Variants in MAN2A1 observed in about 807,000 individuals in gnomAD.
MAN2A1 encodes mannosidase alpha class 2A member 1.
MAN2A1 carries 76 observed loss-of-function variants against 142.6 expected under a neutral mutation model. The observed-to-expected ratio is 0.53, with a 90% CI of 0.44 to 0.65. The LOEUF (loss-of-function observed/expected upper bound fraction) is 0.65, where lower values mean the gene tolerates loss of function less well. Among genes scored for constraint, MAN2A1 ranks in the 30% least tolerant of loss-of-function variants. The pLI is 0.00. For synonymous variants in MAN2A1, 559 were observed against 473.2 expected, an observed-to-expected ratio of 1.18 and a Z score of -2.35; for missense variants, 1,311 against 1,365.1, an observed-to-expected ratio of 0.96 and a Z score of 0.62.
rs1414165653 is a variant in MAN2A1 at position 109,713,716 on chromosome 5, T to A, written c.332T>A (p.Val111Asp). ...HLLPSQLSLSVDTADCLFASQ... is the reference protein window; with the variant it reads ...HLLPSQLSLSDDTADCLFASQ... ...CTGCCCTCACAATTATCCCTCTCAG[T>A]TGACACTGCAGACTGTCTGTTTGCT... Residue 111 changes from valine (V) to aspartate (D), a missense_variant, in exon 2 of 22, where the codon GTT (valine) becomes GAT (aspartate). Physicochemically the swap from Val to Asp is radical, Grantham distance 152. This residue lies in a region of MAN2A1 where 409 missense variants were observed against 412.7 expected (regional missense o/e 0.99). Transcript: ENST00000261483. 6.2e-7 allele frequency: 1 copy of A among 1,614,194 alleles called. No homozygotes were observed. The highest frequency in any genetic ancestry group is 8.5e-7 in the Non-Finnish European group (1 of 1,180,016).
intron 18 of MAN2A1, 129 bp downstream of exon 18, chr5:109,846,135 A>T (rs1241824680): frequency 4.1e-5 from 32 of 771,840 alleles, no homozygotes; most frequent in Non-Finnish European, 3.8e-6. Context: ...TTTTTCTTTC[A>T]ACAACCAGAC....
intron 8 of MAN2A1, among the ~76,000 whole-genome samples, chr5:109,779,661 A>G (rs1753397809): frequency 6.6e-6 from 1 of 152,040 alleles, no homozygotes; most frequent in African/African-American, 2.4e-5. Flanking sequence ...TTGAGTGCGT[A>G]TTATTTGCTG....
intron 15 of MAN2A1, among the ~76,000 whole-genome samples, chr5:109,821,207 A>G (rs1754614297): frequency 1.3e-5 from 2 of 152,132 alleles, no homozygotes; most frequent in African/African-American, 4.8e-5. Flanking sequence ...CCCCGTTCTC[A>G]AGTCTTGACT....
At chr5:109,754,949 C>G (rs1455212377) in intron 4 of MAN2A1, among the ~76,000 whole-genome samples, 1 of 152,164 alleles carries the variant, frequency 6.6e-6, no homozygotes. Context: ...TGCAGTGAGC[C>G]GAGATTGCAC....
rs558433258 is a variant in MAN2A1 at position 109,790,060 on chromosome 5, G to A, written c.1943+533G>A. Among the ~76,000 whole-genome samples, 26 of 151,852 alleles carry A rather than the reference G, an allele frequency of 1.7e-4. No individual in the cohort carries two copies. In the South Asian group the frequency reaches 5.2e-3, roughly 30 times the overall value. ...GACCTTAAACCAGGGCATTTAATTG[G>A]TGGCTACCTAATAATTATAAAGAAA... On this transcript the variant is annotated intron_variant, in intron 12 of 21. Transcript: ENST00000261483.
intron 12 of MAN2A1, among the ~76,000 whole-genome samples, chr5:109,802,410 T>C (rs1340086966): frequency 2.0e-5 from 3 of 152,166 alleles, no homozygotes; most frequent in Non-Finnish European, 4.4e-5. Flanking sequence ...AAATGAGTTA[T>C]AAAAAAGCTT....
intron 16 of MAN2A1, among the ~76,000 whole-genome samples, chr5:109,835,870 C>A (rs776960072): frequency 6.6e-6 from 1 of 152,056 alleles, no homozygotes; most frequent in Non-Finnish European, 1.5e-5. Flanking sequence ...TTGAATTAGG[C>A]GGCTTCAGAT....
intron 4 of MAN2A1, among the ~76,000 whole-genome samples, chr5:109,747,429 TG>T (rs1405745514): frequency 6.6e-6 from 1 of 152,218 alleles, no homozygotes; most frequent in Non-Finnish European, 1.5e-5. Context: ...TCGTTTTTAA[TG>T]GCTGAATAAT....
intron 16 of MAN2A1, among the ~76,000 whole-genome samples, chr5:109,829,524 C>T (rs1031448978): frequency 6.6e-6 from 1 of 152,224 alleles, no homozygotes; most frequent in Non-Finnish European, 1.5e-5. Context: ...ATGACTTTTA[C>T]TCTTGGCCAG....
At chr5:109,852,170 A>T (rs1032069909) in intron 19 of MAN2A1, among the ~76,000 whole-genome samples, 4 of 151,688 alleles carry the variant, frequency 2.6e-5, no homozygotes, top group Non-Finnish European at 5.9e-5. Flanking sequence ...TTTTAATACC[A>T]TACAGACCTA....
At chr5:109,727,785 G>C (rs1352379852) in intron 3 of MAN2A1, among the ~76,000 whole-genome samples, 1 of 152,174 alleles carries the variant, frequency 6.6e-6, no homozygotes. Context: ...TAGGGCATCT[G>C]GGTTGGTTGG....
At chr5:109,694,839 C>T (rs528143067) in intron 1 of MAN2A1, among the ~76,000 whole-genome samples, 6 of 152,238 alleles carry the variant, frequency 3.9e-5, no homozygotes, top group Admixed American at 3.3e-4. Flanking sequence ...GTAAATCTTA[C>T]TTAAGAATGA....
At chr5:109,771,334 A>T (rs961311045) in intron 7 of MAN2A1, among the ~76,000 whole-genome samples, 2 of 152,174 alleles carry the variant, frequency 1.3e-5, no homozygotes, top group Admixed American at 6.5e-5. Context: ...CTATTAAATC[A>T]GTTTATTTTC....
intron 8 of MAN2A1, among the ~76,000 whole-genome samples, chr5:109,780,827 C>G (rs1362959820): frequency 6.6e-6 from 1 of 152,116 alleles, no homozygotes; most frequent in African/African-American, 2.4e-5. Flanking sequence ...TCAGTGTTAC[C>G]TACTGGTAGA....
At chr5:109,778,870 A>G (rs1210477499) in intron 8 of MAN2A1, among the ~76,000 whole-genome samples, 2 of 152,160 alleles carry the variant, frequency 1.3e-5, no homozygotes, top group Non-Finnish European at 2.9e-5. Context: ...AAAGTAAATA[A>G]CTGAGTTCAG....
In MAN2A1 at chr5:109,749,728, T is replaced by C. The variant is rs570459837; in HGVS notation, c.708-5601T>C. Reference sequence around the variant, plus strand: ...GGTGTGGGCACATCTTTTTTTTAAATTTTAATTAAATTTTAATTTAAATTC... The same window carrying C: ...GGTGTGGGCACATCTTTTTTTTAAACTTTAATTAAATTTTAATTTAAATTC... On this transcript the variant is annotated intron_variant, in intron 4 of 21. Transcript: ENST00000261483. Among the ~76,000 whole-genome samples the C allele has an allele frequency of 2.0e-5, 3 of 152,190 alleles. No homozygotes were observed. The South Asian group carries it at 6.2e-4, about 32-fold the overall frequency.
At chr5:109,844,460 C>G (rs1755295890) in intron 17 of MAN2A1, among the ~76,000 whole-genome samples, 1 of 151,020 alleles carries the variant, frequency 6.6e-6, no homozygotes, top group Non-Finnish European at 1.5e-5. Context: ...ATAGAGAATT[C>G]TTTTAAGGTA....
chr5:109,772,604 T>C (rs1299681895), intron 7 of MAN2A1, among the ~76,000 whole-genome samples: 1 of 152,104 alleles, frequency 6.6e-6, no homozygotes, highest in Non-Finnish European at 1.5e-5. Context: ...TCACCTGGGC[T>C]CATGCAATTC....
chr5:109,813,721 A>G (rs1294315468), intron 12 of MAN2A1, among the ~76,000 whole-genome samples: 1 of 152,256 alleles, frequency 6.6e-6, no homozygotes, highest in Non-Finnish European at 1.5e-5. Flanking sequence ...AAAATTCAGT[A>G]TTCCATAGTT....
Sources: gnomAD v4.1 joint callset for allele counts (sites outside exome capture counted in the v4.1 genomes callset) on GRCh38, gnomAD v4.1.1 for gene constraint, gnomAD v4.1.1 regional missense constraint, MANE v1.5 for transcripts, NCBI Gene and HGNC (gene_info 2026-07-23, HGNC 2026-07-21) for gene names.